CDH13: variants seen among roughly 807,000 people sequenced by gnomAD.
CDH13 encodes cadherin 13, also known as cadherin-13.
Under a neutral mutation model 63.8 loss-of-function variants are expected in CDH13, and 24 were observed. The observed-to-expected ratio is 0.38, with a 90% CI of 0.27 to 0.53. CDH13 has a LOEUF of 0.53. Ranked by LOEUF, CDH13 falls within the 20% of genes least tolerant of loss-of-function variation. The pLI is 0.85. For missense variants in CDH13, 1,049 were observed against 903.1 expected (o/e 1.16, Z -2.07); for synonymous variants, 503 against 355.3 (o/e 1.42, Z -4.67).
intron 1 of CDH13, among the ~76,000 whole-genome samples, chr16:82,741,461 G>A (rs1015870755): frequency 1.3e-5 from 2 of 152,092 alleles, no homozygotes; most frequent in East Asian, 1.9e-4. Context: ...TATACATATG[G>A]CTATAAAGCA....
intron 8 of CDH13, among the ~76,000 whole-genome samples, chr16:83,623,716 GGGCACT>G (rs1274617237): frequency 1.3e-5 from 2 of 152,126 alleles, no homozygotes; most frequent in Non-Finnish European, 2.9e-5. Flanking sequence ...CTCACATCAT[GGGCACT>G]GGACCCTGTG....
intron 7 of CDH13, among the ~76,000 whole-genome samples, chr16:83,553,801 C>G (rs945453879): frequency 6.6e-6 from 1 of 152,224 alleles, no homozygotes; most frequent in South Asian, 2.1e-4. Context: ...AGGTGATCCA[C>G]CTGCCTTGGC....
chr16:82,918,273 C>T (rs183593500), intron 2 of CDH13, among the ~76,000 whole-genome samples: 1 of 152,074 alleles, frequency 6.6e-6, no homozygotes, highest in African/African-American at 2.4e-5. Flanking sequence ...CTGATTTAAA[C>T]GAGTTCACAC....
At chr16:82,911,593 T>C (rs1044547205) in intron 2 of CDH13, among the ~76,000 whole-genome samples, 1 of 152,146 alleles carries the variant, frequency 6.6e-6, no homozygotes, top group Non-Finnish European at 1.5e-5. Context: ...AGGATAATTG[T>C]CAGGATTAAA....
intron 6 of CDH13, among the ~76,000 whole-genome samples, chr16:83,459,352 C>A (rs56690547): frequency 3.9e-5 from 6 of 152,182 alleles, no homozygotes; most frequent in Non-Finnish European, 8.8e-5. Flanking sequence ...ATTAAATTAT[C>A]GGACAGAAAC....
chr16:83,103,531 C>A (rs900461337), intron 3 of CDH13, among the ~76,000 whole-genome samples: 6 of 152,146 alleles, frequency 3.9e-5, no homozygotes, highest in African/African-American at 1.4e-4. Context: ...CAGGCATGAG[C>A]CACCGTGCCC....
At chr16:83,771,356 A>G (rs922907304) in intron 11 of CDH13, among the ~76,000 whole-genome samples, 1 of 152,194 alleles carries the variant, frequency 6.6e-6, no homozygotes, top group African/African-American at 2.4e-5. Context: ...AAGAAATACA[A>G]GGTTAATTAT....
intron 1 of CDH13, among the ~76,000 whole-genome samples, chr16:82,717,530 T>C (rs1422732096): frequency 1.3e-5 from 2 of 152,010 alleles, no homozygotes; most frequent in African/African-American, 4.8e-5. Context: ...AGAGGCAAGT[T>C]GTTGGCTAGA....
chr16:83,270,599 A>G (rs573053683), intron 5 of CDH13, among the ~76,000 whole-genome samples: 2 of 152,252 alleles, frequency 1.3e-5, no homozygotes, highest in African/African-American at 4.8e-5. Flanking sequence ...AAGTCCACGA[A>G]TGGATGCGGA....
Position 83,712,889 on chromosome 16 carries a change from A to G in CDH13, c.1538+34428A>G, listed in dbSNP as rs139061024. Among the ~76,000 whole-genome samples, 103 of 152,362 alleles carry G rather than the reference A, an allele frequency of 6.8e-4. 1 individual carries two copies. Among genetic ancestry groups the G allele is most frequent in the Middle Eastern group, 6.8e-3 (2 of 294 alleles). On this transcript the variant is annotated intron_variant, in intron 10 of 13. Coordinates refer to ENST00000567109, the MANE Select transcript of CDH13 (RefSeq NM_001257.5). ...TCAGCCCTATTAAGTTTGTTGGTAC[A>G]TCACCTGGATTTTTATTAAAGTAGT...
intron 3 of CDH13, among the ~76,000 whole-genome samples, chr16:83,052,105 T>C (rs929555192): frequency 3.3e-5 from 5 of 152,222 alleles, no homozygotes; most frequent in African/African-American, 1.2e-4. Flanking sequence ...CATTCTCTGC[T>C]TACTTCATGA....
chr16:82,941,750 C>A (rs924344419), intron 2 of CDH13, among the ~76,000 whole-genome samples: 1 of 152,152 alleles, frequency 6.6e-6, no homozygotes, highest in Non-Finnish European at 1.5e-5. Context: ...ATCTCTCCTT[C>A]TCTTAATGTT....
intron 2 of CDH13, among the ~76,000 whole-genome samples, chr16:82,978,993 T>A (rs1446373554): frequency 6.6e-6 from 1 of 152,152 alleles, no homozygotes; most frequent in African/African-American, 2.4e-5. Context: ...CTGCCCAAGA[T>A]CATGGGAGCC....
At chr16:83,050,950 C>G (rs9889171) in intron 3 of CDH13, among the ~76,000 whole-genome samples, 3,840 of 152,264 alleles carry the variant, frequency 0.025, 154 homozygotes, top group African/African-American at 0.085. Context: ...TCCTTTCTCT[C>G]TCTCCCATGT....
intron 5 of CDH13, among the ~76,000 whole-genome samples, chr16:83,218,384 AAGCCTTTTCTG>A (rs1236122502): frequency 6.6e-6 from 1 of 152,140 alleles, no homozygotes; most frequent in Non-Finnish European, 1.5e-5. Flanking sequence ...AGCCTTGCCA[AAGCCTTTTCTG>A]AGCATTTGCT....
At chr16:82,962,408 G>T (rs549256993) in intron 2 of CDH13, among the ~76,000 whole-genome samples, 2 of 152,316 alleles carry the variant, frequency 1.3e-5, no homozygotes, top group South Asian at 4.1e-4. Flanking sequence ...AGGTATGAGA[G>T]AATAAATCCC....
Position 83,025,947 on chromosome 16 carries a change from A to G in CDH13, c.158-6063A>G, listed in dbSNP as rs116337160. ...CACAGTTGTATCATAATCTTGGGAGAGAGTGGGGGCAGGTATTGCTATTCT... is the reference window on the plus strand; with the variant it reads ...CACAGTTGTATCATAATCTTGGGAGGGAGTGGGGGCAGGTATTGCTATTCT... On this transcript the variant is annotated intron_variant, in intron 2 of 13. Coordinates refer to ENST00000567109, the MANE Select transcript of CDH13 (RefSeq NM_001257.5). 3.1e-3 allele frequency among the ~76,000 whole-genome samples: 477 copies of G among 152,206 alleles called. 1 individual carries two copies. Among genetic ancestry groups the G allele is most frequent in the African/African-American group, 0.011 (458 of 41,532 alleles).
intron 9 of CDH13, among the ~76,000 whole-genome samples, chr16:83,677,872 A>C (rs528386941): frequency 6.6e-6 from 1 of 152,114 alleles, no homozygotes; most frequent in South Asian, 2.1e-4. Context: ...TCTCAGAGGG[A>C]GGCTCACTAA....
chr16:82,928,970 C>T (rs1431368495), intron 2 of CDH13, among the ~76,000 whole-genome samples: 1 of 152,158 alleles, frequency 6.6e-6, no homozygotes, highest in African/African-American at 2.4e-5. Flanking sequence ...TACCAAAGTG[C>T]ATAACATTAT....
Sources: allele counts gnomAD v4.1 joint callset (sites outside exome capture counted in the v4.1 genomes callset), GRCh38; gene constraint gnomAD v4.1.1; transcripts MANE v1.5; gene names NCBI Gene and HGNC (gene_info 2026-07-23, HGNC 2026-07-21).